Variants in TSC22D4 observed in about 807,000 individuals in gnomAD.
The protein encoded by TSC22D4 is TSC22 domain family member 4.
In TSC22D4, 5 loss-of-function variants were observed where a neutral mutation model predicts 24.9. The observed-to-expected ratio is 0.20, with a 90% CI of 0.10 to 0.42. The LOEUF is 0.42. Among genes scored for constraint, TSC22D4 ranks in the 10% least tolerant of loss-of-function variants. The pLI is 1.00. For synonymous variants in TSC22D4, 245 were observed against 243.2 expected, an observed-to-expected ratio of 1.01 and a Z score of -0.07; for missense variants, 469 against 547.9, an observed-to-expected ratio of 0.86 and a Z score of 1.44.
intron 3 of TSC22D4, among the ~76,000 whole-genome samples, chr7:100,468,718 C>G (rs986762337): frequency 3.3e-5 from 5 of 152,082 alleles, no homozygotes; most frequent in African/African-American, 1.2e-4. Flanking sequence ...GGGTGTATCA[C>G]TTGAGGTCAG....
intron 2 of TSC22D4, among the ~76,000 whole-genome samples, chr7:100,475,756 A>G (rs1338747612): frequency 6.6e-6 from 1 of 150,882 alleles, no homozygotes; most frequent in Non-Finnish European, 1.5e-5. Flanking sequence ...TGGGGGCAGC[A>G]GCAAAAAGGG....
Position 100,478,260 on chromosome 7 carries a change from G to C in TSC22D4, c.-222C>G, listed in dbSNP as rs1384457997. ...TGGCGGGAGGGGGGAGCAGGGGCAG[G>C]TTTTTCCTGCTGCTGTTGCTGCTGA... On this transcript the variant is annotated 5_prime_UTR_variant, in exon 2 of 5. Transcript: ENST00000300181. 5.9e-6 allele frequency: 3 copies of C among 509,176 alleles called. No individual in the cohort carries two copies. Among genetic ancestry groups the C allele is most frequent in the Non-Finnish European group, 1.1e-5 (3 of 284,838 alleles). The allele number at this position is 509,176 out of a possible 1,614,324, so 31.5% of individuals were successfully genotyped here.
Position 100,478,304 on chromosome 7 carries a change from C to A in TSC22D4, c.-266G>T. Reference sequence around the variant, plus strand: ...CTGCTGAACTCCAGAGCTGAGTTTGCAAACTGGAAAAAGAGGGGGAGAGAG... The same window carrying A: ...CTGCTGAACTCCAGAGCTGAGTTTGAAAACTGGAAAAAGAGGGGGAGAGAG... On this transcript the variant is annotated 5_prime_UTR_variant, in exon 2 of 5. Coordinates refer to ENST00000300181, the MANE Select transcript of TSC22D4 (RefSeq NM_030935.5). 4 of 358,124 alleles carry A rather than the reference C, an allele frequency of 1.1e-5. No homozygotes were observed. Among genetic ancestry groups the A allele is most frequent in the Admixed American group, 5.0e-5 (1 of 20,046 alleles). The allele number at this position is 358,124 out of a possible 1,614,324, so 22.2% of individuals were successfully genotyped here.
Position 100,477,638 on chromosome 7 carries a change from C to T in TSC22D4, c.401G>A (p.Gly134Asp), listed in dbSNP as rs1396731644. ...TGACGGTGGGGTGGGGGCGCCCAGG[C>T]CGAGGCTGGCCAGCTCCAACCTGGA... ...LDSRLELASL[G>D]LGAPTPPSGL... The change falls in exon 2 of 5, where the codon GGC becomes GAC. Residue 134 changes from glycine (G) to aspartate (D), a missense_variant. Gly to Asp is a moderately conservative substitution (Grantham distance 94, BLOSUM62 -1). Transcript: ENST00000300181. The surrounding 1 kb of genome is among the most constrained non-coding windows in gnomAD (Gnocchi z 7.8). 1.3e-6 allele frequency: 2 copies of T among 1,594,598 alleles called. No homozygotes were observed. The highest frequency in any genetic ancestry group is 1.1e-5 in the South Asian group (1 of 89,794).
chr7:100,477,350 G>A lies in TSC22D4; in HGVS notation c.689C>T (p.Pro230Leu). 6.4e-7 allele frequency: 1 copy of A among 1,564,566 alleles called. No individual in the cohort carries two copies. Among genetic ancestry groups the A allele is most frequent in the African/African-American group, 1.4e-5 (1 of 73,014 alleles). The change falls in exon 2 of 5, where the codon CCT becomes CTT. Residue 230 changes from proline to leucine, a missense_variant. By Grantham distance (98) the Pro-to-Leu change is moderately conservative (BLOSUM62 -3). Coordinates refer to ENST00000300181, the MANE Select transcript of TSC22D4 (RefSeq NM_030935.5). The surrounding 1 kb of genome is among the most constrained non-coding windows in gnomAD (Gnocchi z 7.8). Reference sequence around the variant, plus strand: ...TACAGCTTTCCTCCGGGACAGTGGAGGGGTCCTGGCCCCTGAGCCCCCAGC... The same window carrying A: ...TACAGCTTTCCTCCGGGACAGTGGAAGGGTCCTGGCCCCTGAGCCCCCAGC... ...AEAGGSGART[P>L]PLSRRKAVDM...
At chr7:100,475,599 AC>A (rs1383159002) in intron 2 of TSC22D4, among the ~76,000 whole-genome samples, 1 of 148,778 alleles carries the variant, frequency 6.7e-6, no homozygotes, top group African/African-American at 2.5e-5. Context: ...CCCCTCACCC[AC>A]CCCCCACTCT....
Position 100,474,448 on chromosome 7 carries a change from C to G in TSC22D4, c.763-8G>C. 2 of 1,613,640 alleles carry G rather than the reference C, an allele frequency of 1.2e-6. 1 individual carries two copies. Among genetic ancestry groups the G allele is most frequent in the Non-Finnish European group, 1.7e-6 (2 of 1,179,898 alleles). ...AGAGTCAAGTGGGGGCACCTGGAGG[C>G]GGAGAGGTAGGAACCATCACATGAA... On this transcript the variant is annotated splice_region_variant and splice_polypyrimidine_tract_variant and intron_variant, in intron 2 of 4. Coordinates refer to ENST00000300181, the MANE Select transcript of TSC22D4 (RefSeq NM_030935.5). This position sits in a 1 kb window ranked among gnomAD's most constrained non-coding sequence, Gnocchi z 4.3.
chr7:100,477,863 C>A lies in TSC22D4; in HGVS notation c.176G>T (p.Arg59Leu). 1 of 1,574,272 alleles carries A rather than the reference C, an allele frequency of 6.4e-7. No homozygotes were observed. Among genetic ancestry groups the A allele is most frequent in the Non-Finnish European group, 8.6e-7 (1 of 1,161,636 alleles). ...SPDPGGKGTP[R>L]NGSPPPGAPS... ...GGCCCCAGGTGGTGGGGAGCCATTC[C>A]GGGGGGTGCCCTTGCCCCCCGGATC... is the stretch of plus-strand genomic sequence containing the variant. Residue 59 changes from arginine (R) to leucine (L), a missense_variant, in exon 2 of 5, where the codon CGG becomes CTG. Arg to Leu is a moderately radical substitution (Grantham distance 102, BLOSUM62 -2). Coordinates refer to ENST00000300181, the MANE Select transcript of TSC22D4 (RefSeq NM_030935.5). The surrounding 1 kb of genome is among the most constrained non-coding windows in gnomAD (Gnocchi z 7.8).
chr7:100,477,450 C>T lies in TSC22D4; in HGVS notation c.589G>A (p.Glu197Lys). ...CCCGCACTCTCACCGGTCTCAGGCT[C>T]TGGGGGGCGCTGCTGGGGTGAGGAG... ...SASSPQQRPP[E>K]PETGESAGTS... The change falls in exon 2 of 5, where the codon GAG (glutamate) becomes AAG (lysine). Residue 197 changes from glutamate (E) to lysine (K), a missense_variant. By Grantham distance (56) the Glu-to-Lys change is moderately conservative. Coordinates refer to ENST00000300181, the MANE Select transcript of TSC22D4 (RefSeq NM_030935.5). The surrounding 1 kb of genome is among the most constrained non-coding windows in gnomAD (Gnocchi z 7.8). 1.3e-6 allele frequency: 2 copies of T among 1,563,952 alleles called. No homozygotes were observed. Among genetic ancestry groups the T allele is most frequent in the South Asian group, 2.4e-5 (2 of 84,306 alleles).
chr7:100,467,007 C>T lies in TSC22D4; in HGVS notation c.1140G>A (p.Ser380=), dbSNP rs372880072. 5.3e-5 allele frequency: 85 copies of T among 1,605,280 alleles called. No individual in the cohort carries two copies. Among genetic ancestry groups the T allele is most frequent in the Middle Eastern group, 1.7e-4 (1 of 5,864 alleles). Residue 380 remains serine, a synonymous_variant, in exon 5 of 5, where the codon TCG becomes TCA. Transcript: ENST00000300181. The part of the protein sequence containing the change: ...SPEQLAQLPS[S]GVPRLGPPAP... ...CAGGGGGCCCAAGCCGTGGGACCCC[C>T]GAGGAGGGCAGCTGAGCCAGCTGCT...
chr7:100,478,110 T>C lies in TSC22D4; in HGVS notation c.-72A>G. The C allele has an allele frequency of 7.5e-7, 1 of 1,325,882 alleles. No homozygotes were observed. Among genetic ancestry groups the C allele is most frequent in the South Asian group, 1.4e-5 (1 of 70,714 alleles). The allele number at this position is 1,325,882 out of a possible 1,614,324, so 82.1% of individuals were successfully genotyped here. A position where few individuals can be genotyped will look rare whatever the true frequency, so the allele number is the denominator to read the frequency against. On this transcript the variant is annotated 5_prime_UTR_variant, in exon 2 of 5. Coordinates refer to ENST00000300181, the MANE Select transcript of TSC22D4 (RefSeq NM_030935.5). ...CTCCTTGAAGGGGCTCAGGCACCCC[T>C]GGAACAAGGGGGCCACATGGCGGGG...
chr7:100,471,745 G>GA (rs969591936), intron 3 of TSC22D4, among the ~76,000 whole-genome samples: 6 of 150,996 alleles, frequency 4.0e-5, no homozygotes, highest in Admixed American at 1.3e-4. Flanking sequence ...ATCTAAAAAA[G>GA]AAAAAAACAA....
intron 1 of TSC22D4, 49 bp from the exon 2 acceptor site, chr7:100,478,356 T>A (rs930271943): frequency 0.07 from 6,569 of 93,492 alleles, 131 homozygotes; most frequent in Non-Finnish European, 0.096. Flanking sequence ...AGAGAGTGTG[T>A]GTGTGTGTGT....
At position 100,474,905 on chromosome 7, in the gene TSC22D4, G is replaced by A. The variant is rs1270628109; in HGVS notation, c.763-465C>T. Among the ~76,000 whole-genome samples the A allele has an allele frequency of 2.6e-5, 4 of 152,080 alleles. No homozygotes were observed. The highest frequency in any genetic ancestry group is 4.2e-4 in the South Asian group (2 of 4,818). On this transcript the variant is annotated intron_variant, in intron 2 of 4. Transcript: ENST00000300181. The surrounding 1 kb of genome is among the most constrained non-coding windows in gnomAD (Gnocchi z 4.3). ...CAGCCTTGAATTCCTGAGCTTAAGC[G>A]ATCCTCCAGCCTCAGCCACCCGAGT...
chr7:100,476,192 C>T (rs1460990520), intron 2 of TSC22D4, among the ~76,000 whole-genome samples: 1 of 146,956 alleles, frequency 6.8e-6, no homozygotes, highest in Non-Finnish European at 1.5e-5. Flanking sequence ...AGCATCTTCT[C>T]CCCTGGGGTG....
intron 3 of TSC22D4, among the ~76,000 whole-genome samples, chr7:100,472,710 G>A (rs1329688484): frequency 3.1e-4 from 23 of 73,552 alleles, no homozygotes; most frequent in African/African-American, 5.4e-4. Context: ...GCCCAGCCCC[G>A]CCCAGCCCCA....
rs1487692996 is a variant in TSC22D4 at position 100,474,483 on chromosome 7, G to T, written c.763-43C>A. ...GGAACCATCACATGAAAAGAGAAAA[G>T]AAAGGAACCAGCTGCCTTAAAACTT... is the stretch of plus-strand genomic sequence containing the variant. On this transcript the variant is annotated intron_variant, in intron 2 of 4. Transcript: ENST00000300181. This position sits in a 1 kb window ranked among gnomAD's most constrained non-coding sequence, Gnocchi z 4.3. The T allele has an allele frequency of 1.2e-6, 2 of 1,609,256 alleles. No homozygotes were observed. The highest frequency in any genetic ancestry group is 1.1e-5 in the South Asian group (1 of 90,832).
At chr7:100,470,530 C>T (rs1304877548) in intron 3 of TSC22D4, among the ~76,000 whole-genome samples, 2 of 152,180 alleles carry the variant, frequency 1.3e-5, no homozygotes, top group African/African-American at 2.4e-5. Context: ...GTCTTGAACT[C>T]CTGACCTCAT....
chr7:100,477,185 AG>A lies in TSC22D4; in HGVS notation c.762+91del. 1.9e-6 allele frequency: 2 copies of A among 1,055,218 alleles called. No individual in the cohort carries two copies. The highest frequency in any genetic ancestry group is 2.9e-5 in the Admixed American group (1 of 34,518). The allele number at this position is 1,055,218 out of a possible 1,614,324, so 65.4% of individuals were successfully genotyped here. On this transcript the variant is annotated intron_variant, in intron 2 of 4. Transcript: ENST00000300181. This position sits in a 1 kb window ranked among gnomAD's most constrained non-coding sequence, Gnocchi z 7.8. The stretch of plus-strand genomic sequence containing the variant: ...ATCTGATCTTATAAAGTGATGGAGA[AG>A]GAGGAGGAGAGGGGGGGGAGGAGGA...
Sources: allele counts gnomAD v4.1 joint callset (sites outside exome capture counted in the v4.1 genomes callset), GRCh38; gene constraint gnomAD v4.1.1; non-coding constraint Gnocchi (gnomAD v3.1); transcripts MANE v1.5; gene names NCBI Gene and HGNC (gene_info 2026-07-23, HGNC 2026-07-21).